DDX42: variants seen among roughly 807,000 people sequenced by gnomAD.
The protein encoded by DDX42 is DEAD-box helicase 42.
DDX42 carries 22 observed loss-of-function variants against 101.5 expected under a neutral mutation model. The ratio of observed to expected loss-of-function variants is 0.22; its 90% CI spans 0.15 to 0.31. The LOEUF (loss-of-function observed/expected upper bound fraction) is 0.31. Among genes scored for constraint, DDX42 ranks in the 10% least tolerant of loss-of-function variants. The pLI, the probability that DDX42 is intolerant of heterozygous loss-of-function variation, is 1.00. For synonymous variants in DDX42, 402 were observed against 401.2 expected (o/e 1.00, Z -0.02); for missense variants, 849 against 1,199.9 (o/e 0.71, Z 4.32).
At chr17:63,814,996 GAA>G (rs764716685) in intron 15 of DDX42, among the ~76,000 whole-genome samples, 1 of 152,194 alleles carries the variant, frequency 6.6e-6, no homozygotes, top group Non-Finnish European at 1.5e-5. Flanking sequence ...ATTCTTAAGA[GAA>G]TGTGAGTAAA....
intron 2 of DDX42, among the ~76,000 whole-genome samples, chr17:63,788,567 A>G (rs2039579542): frequency 6.6e-6 from 1 of 151,882 alleles, no homozygotes; most frequent in African/African-American, 2.4e-5. Context: ...CAGCCTCCCA[A>G]ACTGCTAGGA....
At chr17:63,804,049 T>G (rs562604755) in intron 6 of DDX42, among the ~76,000 whole-genome samples, 1 of 152,306 alleles carries the variant, frequency 6.6e-6, no homozygotes, top group East Asian at 1.9e-4. Flanking sequence ...AAGAGATTTG[T>G]GAAAATACAA....
intron 6 of DDX42, among the ~76,000 whole-genome samples, chr17:63,803,526 C>T (rs562532260): frequency 8.4e-5 from 12 of 142,462 alleles, no homozygotes; most frequent in African/African-American, 3.1e-4. Context: ...TGAGGTTGTG[C>T]CACTGCACTC....
intron 3 of DDX42, 99 bp downstream of exon 3, chr17:63,792,661 A>C: frequency 1.5e-6 from 2 of 1,319,110 alleles, no homozygotes; most frequent in Non-Finnish European, 2.0e-6. Context: ...TTCTAGTCTT[A>C]TTATTTTTTT....
At position 63,808,946 on chromosome 17, in the gene DDX42, C is replaced by G; in HGVS notation, c.1150C>G (p.Pro384Ala). The change falls in exon 10 of 18, where the codon CCA (proline) becomes GCA (alanine). Residue 384 changes from proline (P) to alanine (A), a missense_variant and splice_region_variant. Pro to Ala is a conservative substitution (Grantham distance 27). Around this residue, in one of 5 missense-constraint regions of DDX42, gnomAD observed 370 missense variants for 608.8 expected, o/e 0.61. Transcript: ENST00000389924. Reference sequence around the variant, plus strand: ...GGGGGCAGAGATTGTTGTGTGTACCCCAGTAAGTATGCCTTGTGTTTAAAT... The same window carrying G: ...GGGGGCAGAGATTGTTGTGTGTACCGCAGTAAGTATGCCTTGTGTTTAAAT... ...QEGAEIVVCT[P>A]GRLIDHVKKK... 6.2e-7 allele frequency: 1 copy of G among 1,613,166 alleles called. No homozygotes were observed. The highest frequency in any genetic ancestry group is 1.1e-5 in the South Asian group (1 of 90,890).
chr17:63,782,995 A>G (rs7207005), intron 1 of DDX42, among the ~76,000 whole-genome samples: 106,528 of 152,006 alleles, frequency 0.7, 38,778 homozygotes, highest in African/African-American at 0.92. Flanking sequence ...CTCTGTGGTA[A>G]CACTTAACAG....
chr17:63,813,019 G>A (rs745630320), intron 14 of DDX42, among the ~76,000 whole-genome samples: 3 of 152,084 alleles, frequency 2.0e-5, no homozygotes, highest in South Asian at 2.1e-4. Context: ...GCAAGACTCC[G>A]TCTCTAAAAA....
Position 63,774,176 on chromosome 17 carries a change from C to G in DDX42, c.-217C>G. 1 of 281,738 alleles carries G rather than the reference C, an allele frequency of 3.5e-6. No individual in the cohort carries two copies. The highest frequency in any genetic ancestry group is 6.6e-6 in the Non-Finnish European group (1 of 152,232). The allele number at this position is 281,738 out of a possible 1,614,324, so 17.5% of individuals were successfully genotyped here. A position where few individuals can be genotyped will look rare whatever the true frequency, so the allele number is the denominator to read the frequency against. ...CTGCGCATGTCGCGTTTTTGTTCCCCTCCCCCCTTCAGCAACGGGCCGTGA... is the reference window on the plus strand; with the variant it reads ...CTGCGCATGTCGCGTTTTTGTTCCCGTCCCCCCTTCAGCAACGGGCCGTGA... On this transcript the variant is annotated 5_prime_UTR_variant, in exon 1 of 18. Coordinates refer to ENST00000389924, the MANE Select transcript of DDX42 (RefSeq NM_203499.3).
chr17:63,782,533 C>G (rs1205424026), intron 1 of DDX42, among the ~76,000 whole-genome samples: 1 of 152,130 alleles, frequency 6.6e-6, no homozygotes. Flanking sequence ...CCACAGTTCA[C>G]CCAGTCTTTA....
rs780070919 is a variant in DDX42, at chr17:63,787,905, G to GTTT, written c.221+650_221+652dup. 6.9e-3 allele frequency among the ~76,000 whole-genome samples: 743 copies of GTTT among 107,734 alleles called. 15 individuals carry two copies. Among genetic ancestry groups the GTTT allele is most frequent in the South Asian group, 0.022 (85 of 3,800 alleles). 70.7% of individuals were successfully genotyped at this position (107,734 alleles called of 152,430 possible). A position where few individuals can be genotyped will look rare whatever the true frequency, so the allele number is the denominator to read the frequency against. The stretch of plus-strand genomic sequence containing the variant: ...TGAAGAGTTTTATATAATTCATGTG[G>GTTT]TTTTTTTTTTTTTTTTTGGAGGCAG... On this transcript the variant is annotated intron_variant, in intron 2 of 17. Coordinates refer to ENST00000389924, the MANE Select transcript of DDX42 (RefSeq NM_203499.3).
chr17:63,796,473 T>C (rs923938742), intron 3 of DDX42, among the ~76,000 whole-genome samples: 1 of 152,186 alleles, frequency 6.6e-6, no homozygotes, highest in African/African-American at 2.4e-5. Flanking sequence ...TGTGCCACCA[T>C]GCTTGGCTAA....
chr17:63,805,267 CT>C, intron 7 of DDX42, 92 bp downstream of exon 7: 1 of 1,452,904 alleles, frequency 6.9e-7, no homozygotes, highest in Non-Finnish European at 9.3e-7. Flanking sequence ...CCTTGAATTT[CT>C]TTTCTAATGG....
At chr17:63,792,751 G>A (rs1247081819) in intron 3 of DDX42, among the ~76,000 whole-genome samples, 189 bp downstream of exon 3, 6 of 151,278 alleles carry the variant, frequency 4.0e-5, no homozygotes, top group Non-Finnish European at 8.8e-5. Flanking sequence ...TGCAATGATT[G>A]GTGGCTAGAA....
At chr17:63,780,715 ACCCT>A (rs2039477986) in intron 1 of DDX42, among the ~76,000 whole-genome samples, 1 of 152,182 alleles carries the variant, frequency 6.6e-6, no homozygotes, top group Admixed American at 6.5e-5. Context: ...CCAGTAAGCA[ACCCT>A]CACCTGCCCA....
At chr17:63,775,060 T>C (rs1212406033) in intron 1 of DDX42, 3 of 152,672 alleles carry the variant, frequency 2.0e-5, no homozygotes, top group African/African-American at 7.2e-5. Context: ...GTGTTTTCTT[T>C]TTGTCAATGA....
rs547321708 is a variant in DDX42 at position 63,804,286 on chromosome 17, A to T, written c.622-785A>T. Among the ~76,000 whole-genome samples the T allele has an allele frequency of 7.9e-5, 12 of 152,234 alleles. No homozygotes were observed. In the South Asian group the frequency reaches 2.5e-3, roughly 32 times the overall value. ...ATAGCAAGACCCTGTCTCTGAAAAAAAAAATAGTTTATAAAAAATAATTTA... is the reference window on the plus strand; with the variant it reads ...ATAGCAAGACCCTGTCTCTGAAAAATAAAATAGTTTATAAAAAATAATTTA... On this transcript the variant is annotated intron_variant, in intron 6 of 17. Coordinates refer to ENST00000389924, the MANE Select transcript of DDX42 (RefSeq NM_203499.3).
rs975144792 is a variant in DDX42, at chr17:63,806,875, G to C, written c.846+221G>C. On this transcript the variant is annotated intron_variant, in intron 8 of 17. Transcript: ENST00000389924. ...TGATATGAAGAAAATAATTTATTAG[G>C]CCTAAACCTAACCAAAAAGGTTCGT... 9.2e-5 allele frequency among the ~76,000 whole-genome samples: 14 copies of C among 152,150 alleles called. No homozygotes were observed. In the East Asian group the frequency reaches 1.4e-3, roughly 15 times the overall value.
intron 1 of DDX42, among the ~76,000 whole-genome samples, chr17:63,781,728 G>C (rs1467791340): frequency 6.6e-6 from 1 of 151,866 alleles, no homozygotes; most frequent in Non-Finnish European, 1.5e-5. Flanking sequence ...TTGTCTTACT[G>C]GGCCGGATGT....
rs2039917714 is a variant in DDX42, at chr17:63,812,111, G to T, written c.1578G>T (p.Gly526=). The part of the protein sequence containing the change: ...NNLKQEGHNL[G]LLHGDMDQSE... ...TTAAACAGGAGGGTCATAATCTTGGGCTGCTCCATGGGGATATGGATCAGA... is the reference window on the plus strand; with the variant it reads ...TTAAACAGGAGGGTCATAATCTTGGTCTGCTCCATGGGGATATGGATCAGA... Residue 526 remains glycine (G), a synonymous_variant, in exon 14 of 18, where the codon GGG becomes GGT. Coordinates refer to ENST00000389924, the MANE Select transcript of DDX42 (RefSeq NM_203499.3). The T allele has an allele frequency of 6.2e-7, 1 of 1,614,126 alleles. No individual in the cohort carries two copies. Among genetic ancestry groups the T allele is most frequent in the Non-Finnish European group, 8.5e-7 (1 of 1,180,054 alleles).
Sources: gnomAD v4.1 joint callset for allele counts (sites outside exome capture counted in the v4.1 genomes callset) on GRCh38, gnomAD v4.1.1 for gene constraint, gnomAD v4.1.1 regional missense constraint, MANE v1.5 for transcripts, NCBI Gene and HGNC (gene_info 2026-07-23, HGNC 2026-07-21) for gene names.